The following PITPNM2 variants were observed in gnomAD, a reference collection of about 807,000 sequenced individuals.
PITPNM2 encodes phosphatidylinositol transfer protein membrane associated 2.
A neutral mutation model predicts 132.2 loss-of-function variants in PITPNM2; 35 were observed. The ratio of observed to expected loss-of-function variants is 0.26; its 90% CI spans 0.20 to 0.35. The LOEUF (loss-of-function observed/expected upper bound fraction) is 0.35. Among genes scored for constraint, PITPNM2 ranks in the 10% least tolerant of loss-of-function variants. PITPNM2 has a pLI of 1.00. For missense variants in PITPNM2, 1,332 were observed against 1,912.0 expected, an observed-to-expected ratio of 0.70 and a Z score of 5.66; for synonymous variants, 738 against 799.2, an observed-to-expected ratio of 0.92 and a Z score of 1.29.
intron 2 of PITPNM2, chr12:123,092,022 T>C (rs1461961821): frequency 6.6e-6 from 1 of 152,376 alleles, no homozygotes; most frequent in Non-Finnish European, 1.5e-5. Flanking sequence ...CATTCTTCCT[T>C]GCCCTCTTGC....
chr12:123,100,891 A>G (rs1405999862), intron 2 of PITPNM2, among the ~76,000 whole-genome samples: 1 of 152,222 alleles, frequency 6.6e-6, no homozygotes, highest in African/African-American at 2.4e-5. Context: ...TATAACGTCT[A>G]TAACTCCCTG....
intron 1 of PITPNM2, among the ~76,000 whole-genome samples, chr12:123,128,549 C>G (rs915638782): frequency 7.3e-5 from 11 of 150,140 alleles, no homozygotes; most frequent in Non-Finnish European, 1.6e-4. Context: ...GTCAGAAGAT[C>G]GAGACCATCT....
At chr12:123,051,763 A>G (rs2040862610) in intron 2 of PITPNM2, among the ~76,000 whole-genome samples, 1 of 152,144 alleles carries the variant, frequency 6.6e-6, no homozygotes, top group Non-Finnish European at 1.5e-5. Flanking sequence ...GCTTAGGATG[A>G]GGGTCTGTTT....
At chr12:123,138,121 T>G (rs1363727758) in intron 1 of PITPNM2, among the ~76,000 whole-genome samples, 1 of 152,098 alleles carries the variant, frequency 6.6e-6, no homozygotes, top group Non-Finnish European at 1.5e-5. Flanking sequence ...GAAAATGTGG[T>G]GTATGCCTAC....
At chr12:123,149,622 G>A (rs1565885781) in intron 1 of PITPNM2, among the ~76,000 whole-genome samples, 1 of 152,188 alleles carries the variant, frequency 6.6e-6, no homozygotes, top group Non-Finnish European at 1.5e-5. Context: ...CGTCCAGCAG[G>A]GGAGATAAGG....
intron 2 of PITPNM2, among the ~76,000 whole-genome samples, chr12:123,068,205 C>A (rs994875959): frequency 1.3e-5 from 2 of 152,208 alleles, no homozygotes; most frequent in Admixed American, 1.3e-4. Flanking sequence ...CGGTGGCTCA[C>A]GCCTGTAATC....
chr12:123,072,518 T>A (rs149320778), intron 2 of PITPNM2, among the ~76,000 whole-genome samples: 102 of 152,308 alleles, frequency 6.7e-4, no homozygotes, highest in Middle Eastern at 3.4e-3. Context: ...AAGACACACC[T>A]ACCATTTGCA....
At chr12:123,057,698 G>A (rs1016896355) in intron 2 of PITPNM2, among the ~76,000 whole-genome samples, 3 of 152,338 alleles carry the variant, frequency 2.0e-5, no homozygotes, top group African/African-American at 4.8e-5. Flanking sequence ...TGGTGGTGAC[G>A]GTTCATCTGA....
intron 1 of PITPNM2, among the ~76,000 whole-genome samples, chr12:123,125,864 GTTTTTT>G (rs373787897): frequency 1.1e-4 from 7 of 64,842 alleles, no homozygotes; most frequent in Non-Finnish European, 1.6e-4. Flanking sequence ...AAAAATTAGG[GTTTTTT>G]TTTTTTTTTT....
chr12:122,990,669 A>G lies in PITPNM2; in HGVS notation c.2445T>C (p.His815=), dbSNP rs978282062. The change falls in exon 17 of 26, where the codon CAT becomes CAC. Residue 815 remains histidine, a synonymous_variant. Transcript: ENST00000320201. Reference sequence around the variant, plus strand: ...CAGTGCCCGGCGAGGAGGGGGCGCCATGCTCTTGGAAGGCTGCATTGTGGG... The same window carrying G: ...CAGTGCCCGGCGAGGAGGGGGCGCCGTGCTCTTGGAAGGCTGCATTGTGGG... ...LQTHNAAFQE[H]GAPSSPGTAP... 6 of 1,611,572 alleles carry G rather than the reference A, an allele frequency of 3.7e-6. No individual in the cohort carries two copies. The highest frequency in any genetic ancestry group is 1.7e-5 in the Admixed American group (1 of 59,950).
At chr12:123,073,094 G>A (rs886124030) in intron 2 of PITPNM2, among the ~76,000 whole-genome samples, 5 of 152,196 alleles carry the variant, frequency 3.3e-5, no homozygotes, top group South Asian at 2.1e-4. Flanking sequence ...TGGAGCTTCC[G>A]TTTTATTCAC....
chr12:122,994,666 C>G lies in PITPNM2; in HGVS notation c.2233+135G>C. ...CAGGAGCAGAGGATAGCAAGGGGCC[C>G]TTGGTGGGGAAGACAGGAAGGAGGG... is the stretch of plus-strand genomic sequence containing the variant. On this transcript the variant is annotated intron_variant, in intron 15 of 25. Coordinates refer to ENST00000320201, the MANE Select transcript of PITPNM2 (RefSeq NM_020845.3). This position sits in a 1 kb window ranked among gnomAD's most constrained non-coding sequence, Gnocchi z 5.4. 2 of 1,036,840 alleles carry G rather than the reference C, an allele frequency of 1.9e-6. No individual in the cohort carries two copies. Among genetic ancestry groups the G allele is most frequent in the Non-Finnish European group, 2.7e-6 (2 of 741,616 alleles). The allele number at this position is 1,036,840 out of a possible 1,614,324, so 64.2% of individuals were successfully genotyped here. A position where few individuals can be genotyped will look rare whatever the true frequency, so the allele number is the denominator to read the frequency against.
At chr12:123,148,765 G>A (rs2043669317) in intron 1 of PITPNM2, among the ~76,000 whole-genome samples, 1 of 152,182 alleles carries the variant, frequency 6.6e-6, no homozygotes, top group Non-Finnish European at 1.5e-5. Context: ...TAACCGCCCA[G>A]GAGCTCACAG....
rs1398053527 is a variant in PITPNM2, at chr12:122,987,830, C to T, written c.3069G>A (p.Arg1023=). ...CCATGTCCAGGGGCCCATACATGAACCTGCCCGTCAGAACCTGGGGGCCGT... is the reference window on the plus strand; with the variant it reads ...CCATGTCCAGGGGCCCATACATGAATCTGCCCGTCAGAACCTGGGGGCCGT... ...NEDGPQVLTG[R]FMYGPLDMVT... is the part of the protein sequence containing the mutation. The change falls in exon 21 of 26, where the codon AGG becomes AGA. Residue 1023 remains arginine (R), a synonymous_variant. Coordinates refer to ENST00000320201, the MANE Select transcript of PITPNM2 (RefSeq NM_020845.3). The T allele has an allele frequency of 1.2e-6, 2 of 1,614,026 alleles. No individual in the cohort carries two copies. The highest frequency in any genetic ancestry group is 1.7e-6 in the Non-Finnish European group (2 of 1,180,004).
chr12:123,040,882 C>T (rs548714724), intron 2 of PITPNM2, among the ~76,000 whole-genome samples: 215 of 152,188 alleles, frequency 1.4e-3, no homozygotes, highest in African/African-American at 4.6e-3. Flanking sequence ...CTGTACATGT[C>T]TGTTTGTATG....
At chr12:123,028,146 T>C (rs931156688) in intron 3 of PITPNM2, among the ~76,000 whole-genome samples, 1 of 152,198 alleles carries the variant, frequency 6.6e-6, no homozygotes, top group African/African-American at 2.4e-5. Context: ...CCCAGGGTCC[T>C]GGCCAGGCCA....
intron 17 of PITPNM2, 94 bp from the exon 18 acceptor site, chr12:122,990,042 G>T: frequency 9.4e-7 from 1 of 1,068,680 alleles, no homozygotes; most frequent in Non-Finnish European, 1.2e-6. Flanking sequence ...GACAGTGCCA[G>T]GCCTGGAGCT....
At chr12:123,142,331 C>A (rs570920092) in intron 1 of PITPNM2, among the ~76,000 whole-genome samples, 1 of 152,230 alleles carries the variant, frequency 6.6e-6, no homozygotes, top group African/African-American at 2.4e-5. Context: ...TAATACAAAT[C>A]GTGCTCTGGA....
intron 2 of PITPNM2, among the ~76,000 whole-genome samples, chr12:123,104,614 C>T (rs1017286366): frequency 1.3e-4 from 20 of 152,204 alleles, no homozygotes; most frequent in African/African-American, 4.6e-4. Context: ...CACTCCTGCC[C>T]GCCAGAGAAC....
Sources: allele counts gnomAD v4.1 joint callset (sites outside exome capture counted in the v4.1 genomes callset), GRCh38; gene constraint gnomAD v4.1.1; non-coding constraint Gnocchi (gnomAD v3.1); transcripts MANE v1.5; gene names NCBI Gene and HGNC (gene_info 2026-07-23, HGNC 2026-07-21).